GLDN: variants seen among roughly 807,000 people sequenced by gnomAD.
GLDN encodes gliomedin, also known as collomin.
A neutral mutation model predicts 56.5 loss-of-function variants in GLDN; 47 were observed. The observed-to-expected ratio is 0.83, with a 90% CI of 0.66 to 1.06. The LOEUF is 1.06. GLDN is among the 50% of genes least tolerant of loss of function. The probability of loss-of-function intolerance (pLI) is 0.00; values close to 1 mark genes in which losing one functional copy is unlikely to be tolerated. For missense variants in GLDN, 782 were observed against 714.3 expected (o/e 1.09, Z -1.08); for synonymous variants, 332 against 278.8 (o/e 1.19, Z -1.90).
chr15:51,396,572 G>A (rs1475326783), intron 5 of GLDN, among the ~76,000 whole-genome samples: 1 of 152,220 alleles, frequency 6.6e-6, no homozygotes, highest in African/African-American at 2.4e-5. Flanking sequence ...AATATAACAT[G>A]TGAACATAAC....
intron 1 of GLDN, among the ~76,000 whole-genome samples, chr15:51,343,824 T>C (rs77417091): frequency 0.027 from 4,082 of 152,228 alleles, 196 homozygotes; most frequent in African/African-American, 0.094. Flanking sequence ...GGAAGCATAT[T>C]ACAGTGCAGA....
intron 9 of GLDN, among the ~76,000 whole-genome samples, chr15:51,402,165 G>A (rs529978992): frequency 6.6e-6 from 1 of 152,294 alleles, no homozygotes; most frequent in East Asian, 1.9e-4. Context: ...TTGAAGACTG[G>A]GGAATGAACC....
Position 51,404,390 on chromosome 15 carries a change from A to G in GLDN, c.1292A>G (p.Glu431Gly). 2 of 1,614,184 alleles carry G rather than the reference A, an allele frequency of 1.2e-6. No homozygotes were observed. Among genetic ancestry groups the G allele is most frequent in the South Asian group, 1.1e-5 (1 of 91,076 alleles). Residue 431 changes from glutamate (E) to glycine (G), a missense_variant, in exon 10 of 10, where the codon GAA (glutamate) becomes GGA (glycine). By Grantham distance (98) the Glu-to-Gly change is moderately conservative (BLOSUM62 -2). Transcript: ENST00000335449. ...SKTYFNLAVD[E>G]KGLWIIYASS... ...ACTTACTTCAATCTAGCTGTAGATG[A>G]AAAGGGCCTTTGGATTATCTATGCG...
chr15:51,343,710 T>C (rs2036927207), intron 1 of GLDN, among the ~76,000 whole-genome samples: 3 of 152,312 alleles, frequency 2.0e-5, no homozygotes, highest in South Asian at 4.1e-4. Context: ...TTTTGACCTT[T>C]TAGAGTCATG....
intron 5 of GLDN, among the ~76,000 whole-genome samples, chr15:51,396,326 AAGGATACACTTC>A (rs1488878353): frequency 6.6e-6 from 1 of 152,238 alleles, no homozygotes; most frequent in East Asian, 1.9e-4. Context: ...GGATCATTCT[AAGGATACACTTC>A]AGTTATTGCC....
In GLDN at chr15:51,404,544, C is replaced by G. The variant is rs1351761043; in HGVS notation, c.1446C>G (p.Leu482=). The G allele has an allele frequency of 6.2e-7, 1 of 1,614,134 alleles. No individual in the cohort carries two copies. The highest frequency in any genetic ancestry group is 1.7e-5 in the Admixed American group (1 of 60,030). ...AGNAFIARGI[L]YVTDTKDMRV... Reference sequence around the variant, plus strand: ...ACGCCTTCATTGCCCGAGGAATCCTCTATGTCACAGACACCAAAGATATGA... The same window carrying G: ...ACGCCTTCATTGCCCGAGGAATCCTGTATGTCACAGACACCAAAGATATGA... Residue 482 remains leucine (L), a synonymous_variant, in exon 10 of 10, where the codon CTC becomes CTG. Coordinates refer to ENST00000335449, the MANE Select transcript of GLDN (RefSeq NM_181789.4).
intron 1 of GLDN, among the ~76,000 whole-genome samples, chr15:51,343,176 T>A (rs770697431): frequency 9.2e-5 from 14 of 152,240 alleles, no homozygotes; most frequent in Non-Finnish European, 2.1e-4. Flanking sequence ...ACAGAAGCTT[T>A]TAAATAACTT....
intron 1 of GLDN, 124 bp downstream of exon 1, chr15:51,342,171 G>T: frequency 8.1e-7 from 1 of 1,227,568 alleles, no homozygotes. Context: ...AGGGCTGTGG[G>T]CATGAGTAGC....
At chr15:51,371,427 A>G (rs1245191919) in intron 1 of GLDN, among the ~76,000 whole-genome samples, 1 of 152,228 alleles carries the variant, frequency 6.6e-6, no homozygotes, top group Non-Finnish European at 1.5e-5. Context: ...TTTAGTTTGA[A>G]TTAAAACAAG....
intron 1 of GLDN, among the ~76,000 whole-genome samples, chr15:51,365,195 A>T (rs978507786): frequency 2.0e-5 from 3 of 152,222 alleles, no homozygotes; most frequent in Non-Finnish European, 2.9e-5. Context: ...AAGGGGCTGC[A>T]GGTGTTTGAT....
chr15:51,368,391 G>A (rs888885057), intron 1 of GLDN, among the ~76,000 whole-genome samples: 11 of 152,164 alleles, frequency 7.2e-5, no homozygotes, highest in Admixed American at 5.9e-4. Flanking sequence ...GGCTGAGAAA[G>A]ATTCTGCTGG....
downstream of GLDN, among the ~76,000 whole-genome samples, chr15:51,412,298 C>A (rs759690677): frequency 1.3e-5 from 2 of 152,170 alleles, no homozygotes; most frequent in Admixed American, 1.3e-4. Context: ...ACCTACGATT[C>A]CTCTATGCTT....
At chr15:51,392,596 C>T (rs2038046442) in intron 4 of GLDN, among the ~76,000 whole-genome samples, 1 of 151,472 alleles carries the variant, frequency 6.6e-6, no homozygotes. Flanking sequence ...CTCCCCACAC[C>T]CCGGTCTATG....
rs903608587 is a variant in GLDN, at chr15:51,383,508, A to G, written c.433+55A>G. ...GGGAGGCTGTGGGTGGCCAGACCCT[A>G]GGATCTCCCTGTTGGGACAGATGCG... On this transcript the variant is annotated intron_variant, in intron 3 of 9. Transcript: ENST00000335449. The G allele has an allele frequency of 3.8e-6, 6 of 1,598,188 alleles. No homozygotes were observed. In the Admixed American group the frequency reaches 8.3e-5, roughly 22 times the overall value.
Position 51,407,768 on chromosome 15 carries a change from G to A in GLDN, c.*3014G>A, listed in dbSNP as rs564849808. On this transcript the variant is annotated 3_prime_UTR_variant, in exon 10 of 10. Coordinates refer to ENST00000335449, the MANE Select transcript of GLDN (RefSeq NM_181789.4). The stretch of plus-strand genomic sequence containing the variant: ...CAGTACAATTCTTGATGAGTGAGGT[G>A]TCATCTTCCAACCACACAGAGGACG... 7.5e-4 allele frequency: 115 copies of A among 152,338 alleles called. No homozygotes were observed. The highest frequency in any genetic ancestry group is 2.7e-3 in the African/African-American group (111 of 41,578). 9.4% of individuals were successfully genotyped at this position (152,338 alleles called of 1,614,324 possible).
chr15:51,402,180 G>C lies in GLDN; in HGVS notation c.1178+437G>C, dbSNP rs529191347. ...TTGAAGACTGGGGAATGAACCCCTA[G>C]TCAAGCGTCTCTGCCTTCAGATCCG... On this transcript the variant is annotated intron_variant, in intron 9 of 9. Coordinates refer to ENST00000335449, the MANE Select transcript of GLDN (RefSeq NM_181789.4). Among the ~76,000 whole-genome samples the C allele has an allele frequency of 1.4e-4, 21 of 152,336 alleles. 1 individual carries two copies. The South Asian group carries it at 3.9e-3, about 29-fold the overall frequency.
chr15:51,359,158 G>A (rs1324397285), intron 1 of GLDN, among the ~76,000 whole-genome samples: 3 of 152,166 alleles, frequency 2.0e-5, no homozygotes, highest in Non-Finnish European at 4.4e-5. Flanking sequence ...CCCCCTCCAA[G>A]CCGTGGGAGG....
chr15:51,384,253 C>T (rs2037840220), intron 4 of GLDN: 2 of 282,250 alleles, frequency 7.1e-6, no homozygotes, highest in Non-Finnish European at 1.3e-5. Flanking sequence ...CCTGCCTTGC[C>T]CTCTATTGCC....
intron 1 of GLDN, among the ~76,000 whole-genome samples, chr15:51,362,346 A>G (rs945783211): frequency 2.0e-5 from 3 of 152,018 alleles, no homozygotes; most frequent in Non-Finnish European, 1.5e-5. Context: ...TTAGCTCAGC[A>G]TGGTGGTGCA....
Sources: allele counts gnomAD v4.1 joint callset (sites outside exome capture counted in the v4.1 genomes callset), GRCh38; gene constraint gnomAD v4.1.1; transcripts MANE v1.5; gene names NCBI Gene and HGNC (gene_info 2026-07-23, HGNC 2026-07-21).